Variants in TRIM23 observed in about 807,000 individuals in gnomAD.
TRIM23 encodes tripartite motif containing 23.
Under a neutral mutation model 71.0 loss-of-function variants are expected in TRIM23, and 27 were observed. That is an observed-to-expected ratio of 0.38 (90% CI 0.28 to 0.52). The LOEUF is 0.52. TRIM23 is among the 20% of genes least tolerant of loss of function. The pLI is 0.84. For synonymous variants in TRIM23, 234 were observed against 238.0 expected (o/e 0.98, Z 0.16); for missense variants, 482 against 692.3 (o/e 0.70, Z 3.41).
Position 65,605,062 on chromosome 5 carries a change from A to G in TRIM23, c.1045-17T>C, listed in dbSNP as rs1402530453. The G allele has an allele frequency of 1.3e-6, 2 of 1,577,298 alleles. No individual in the cohort carries two copies. The highest frequency in any genetic ancestry group is 3.7e-5 in the Admixed American group (2 of 54,134). Reference sequence around the variant, plus strand: ...ACAATCATCCTATAAGAGGCAAAACAATATTTCTTATAAACTTTTTATAAG... The same window carrying G: ...ACAATCATCCTATAAGAGGCAAAACGATATTTCTTATAAACTTTTTATAAG... On this transcript the variant is annotated splice_polypyrimidine_tract_variant and intron_variant, in intron 6 of 10. Coordinates refer to ENST00000231524, the MANE Select transcript of TRIM23 (RefSeq NM_001656.4).
At position 65,618,249 on chromosome 5, in the gene TRIM23, C is replaced by G. The variant is rs1754824459; in HGVS notation, c.88G>C (p.Glu30Gln). 1 of 1,608,514 alleles carries G rather than the reference C, an allele frequency of 6.2e-7. No individual in the cohort carries two copies. Among genetic ancestry groups the G allele is most frequent in the African/African-American group, 1.3e-5 (1 of 74,628 alleles). Residue 30 changes from glutamate (E) to glutamine (Q), a missense_variant, in exon 2 of 11, where the codon GAG (glutamate) becomes CAG (glutamine). Physicochemically the swap from Glu to Gln is conservative, Grantham distance 29. Transcript: ENST00000231524. Reference protein sequence around the residue: ...SRGTAVVKVLECGVCEDVFSL... With the variant: ...SRGTAVVKVLQCGVCEDVFSL... ...AAGACATCTTCACAAACTCCACACT[C>G]TAGCACCTAATATTTGAAAAGGAAG...
intron 9 of TRIM23, among the ~76,000 whole-genome samples, chr5:65,594,984 C>G (rs1403564348): frequency 6.6e-6 from 1 of 152,148 alleles, no homozygotes; most frequent in Non-Finnish European, 1.5e-5. Flanking sequence ...GCTACTTGTT[C>G]TTCGAATACT....
At chr5:65,622,414 A>C (rs2150646065) in intron 1 of TRIM23, among the ~76,000 whole-genome samples, 1 of 152,224 alleles carries the variant, frequency 6.6e-6, no homozygotes, top group East Asian at 1.9e-4. Flanking sequence ...TGATCCGCCC[A>C]CTTTGGCCTC....
intron 10 of TRIM23, 134 bp downstream of exon 10, chr5:65,594,387 C>T (rs1754134604): frequency 8.3e-7 from 1 of 1,200,126 alleles, no homozygotes; most frequent in Non-Finnish European, 1.1e-6. Context: ...AGCATTTTCA[C>T]ATAGATTGTA....
chr5:65,601,481 C>T (rs1754363526), intron 7 of TRIM23, among the ~76,000 whole-genome samples: 1 of 152,044 alleles, frequency 6.6e-6, no homozygotes, highest in Admixed American at 6.5e-5. Flanking sequence ...CCTGATAAAC[C>T]CATCAGATCT....
Position 65,597,198 on chromosome 5 carries a change from T to C in TRIM23, c.1180-18A>G. 1 of 1,612,678 alleles carries C rather than the reference T, an allele frequency of 6.2e-7. No individual in the cohort carries two copies. The highest frequency in any genetic ancestry group is 2.2e-5 in the East Asian group (1 of 44,848). On this transcript the variant is annotated intron_variant, in intron 7 of 10. Transcript: ENST00000231524. ...CGATTATCCTACAATTTAAATATTT[T>C]TAAATATGTTTGACATGCAGTTAGA...
chr5:65,621,449 A>G (rs906500846), intron 1 of TRIM23, among the ~76,000 whole-genome samples: 2 of 152,250 alleles, frequency 1.3e-5, no homozygotes, highest in African/African-American at 4.8e-5. Context: ...AATAAACTCC[A>G]AAGAACCATA....
intron 1 of TRIM23, among the ~76,000 whole-genome samples, chr5:65,619,024 G>A (rs968326580): frequency 3.3e-5 from 5 of 152,208 alleles, no homozygotes; most frequent in Admixed American, 6.5e-5. Flanking sequence ...AGCATTTTCA[G>A]CACTTATTTC....
At chr5:65,621,984 C>T (rs535379745) in intron 1 of TRIM23, among the ~76,000 whole-genome samples, 4 of 151,864 alleles carry the variant, frequency 2.6e-5, no homozygotes, top group African/African-American at 9.7e-5. Context: ...TGTGCCACTA[C>T]GCCTGGCTAA....
chr5:65,617,364 G>C (rs1754802474), intron 2 of TRIM23, among the ~76,000 whole-genome samples: 1 of 152,046 alleles, frequency 6.6e-6, no homozygotes, highest in South Asian at 2.1e-4. Context: ...AAAATAGTAT[G>C]AATATATTAA....
Position 65,624,221 on chromosome 5 carries a change from C to G in TRIM23, c.54G>C (p.Gln18His). 1 of 1,614,232 alleles carries G rather than the reference C, an allele frequency of 6.2e-7. No homozygotes were observed. The highest frequency in any genetic ancestry group is 8.5e-7 in the Non-Finnish European group (1 of 1,180,048). Residue 18 changes from glutamine to histidine, a missense_variant, in exon 1 of 11, where the codon CAG (glutamine) becomes CAC (histidine). Coordinates refer to ENST00000231524, the MANE Select transcript of TRIM23 (RefSeq NM_001656.4). ...TCACTACAGCTGTCCCCCGGCTGCC[C>G]TGCCGGCCACTGTCTACTCCCGCTC... ...KLGAGVDSGR[Q>H]GSRGTAVVKV...
At chr5:65,595,863 A>G (rs780604062) in intron 9 of TRIM23, among the ~76,000 whole-genome samples, 4 of 152,242 alleles carry the variant, frequency 2.6e-5, no homozygotes, top group Admixed American at 6.5e-5. Context: ...CGTAAGCATT[A>G]TGTTGGGGTC....
At position 65,624,231 on chromosome 5, in the gene TRIM23, C is replaced by G; in HGVS notation, c.44G>C (p.Ser15Thr). 1 of 1,614,226 alleles carries G rather than the reference C, an allele frequency of 6.2e-7. No individual in the cohort carries two copies. The highest frequency in any genetic ancestry group is 8.5e-7 in the Non-Finnish European group (1 of 1,180,046). The change falls in exon 1 of 11, where the codon AGT becomes ACT. Residue 15 changes from serine (S) to threonine (T), a missense_variant. By Grantham distance (58) the Ser-to-Thr change is moderately conservative. Coordinates refer to ENST00000231524, the MANE Select transcript of TRIM23 (RefSeq NM_001656.4). ...TGTCCCCCGGCTGCCCTGCCGGCCA[C>G]TGTCTACTCCCGCTCCGAGCTTGTT... is the stretch of plus-strand genomic sequence containing the variant. ...VVNKLGAGVDSGRQGSRGTAV... is the reference protein window; with the variant it reads ...VVNKLGAGVDTGRQGSRGTAV...
chr5:65,591,937 T>C lies in TRIM23; in HGVS notation c.1557A>G (p.Gly519=). 1.2e-6 allele frequency: 2 copies of C among 1,613,342 alleles called. No individual in the cohort carries two copies. Among genetic ancestry groups the C allele is most frequent in the Non-Finnish European group, 1.7e-6 (2 of 1,179,594 alleles). ...CAGTGATTTCTTCTACTGACAGTGCTCCAGCAACATCCTGAAAGATATATA... is the reference window on the plus strand; with the variant it reads ...CAGTGATTTCTTCTACTGACAGTGCCCCAGCAACATCCTGAAAGATATATA... ...LIFANKQDVA[G]ALSVEEITEL... is the part of the protein sequence containing the mutation. The change falls in exon 11 of 11, where the codon GGA becomes GGG. Residue 519 remains glycine, a synonymous_variant. Transcript: ENST00000231524.
chr5:65,609,565 CA>C (rs1002530022), intron 5 of TRIM23, 107 bp from the exon 6 acceptor site: 19 of 1,227,422 alleles, frequency 1.5e-5, no homozygotes, highest in African/African-American at 4.6e-5. Flanking sequence ...TCTGTCTCTA[CA>C]AAAAATGGAA....
chr5:65,622,853 G>A (rs1049926240), intron 1 of TRIM23, among the ~76,000 whole-genome samples: 4 of 151,630 alleles, frequency 2.6e-5, no homozygotes, highest in Admixed American at 6.6e-5. Context: ...AGGCAAACAG[G>A]GTAACAAAAA....
At chr5:65,612,008 C>T (rs950908315) in intron 3 of TRIM23, 127 bp from the exon 4 acceptor site, 12 of 912,792 alleles carry the variant, frequency 1.3e-5, no homozygotes, top group Non-Finnish European at 1.9e-5. Context: ...ATATATTGGT[C>T]ATTAAGAACA....
intron 1 of TRIM23, among the ~76,000 whole-genome samples, chr5:65,622,604 C>T (rs1754974579): frequency 6.6e-6 from 1 of 152,192 alleles, no homozygotes; most frequent in South Asian, 2.1e-4. Context: ...TTTTACCTTC[C>T]AATAAATACT....
chr5:65,611,817 G>C lies in TRIM23; in HGVS notation c.431C>G (p.Thr144Ser). Residue 144 changes from threonine to serine, a missense_variant, in exon 4 of 11, where the codon ACT becomes AGT. Transcript: ENST00000231524. The stretch of plus-strand genomic sequence containing the variant: ...TTGAGAACACTCAGAGCACAAATGA[G>C]TTGCACACACAGTGCAATATACAGA... ...LASVYCTVCATHLCSECSQVT... is the reference protein window; with the variant it reads ...LASVYCTVCASHLCSECSQVT... 2 of 1,614,150 alleles carry C rather than the reference G, an allele frequency of 1.2e-6. No homozygotes were observed. Among genetic ancestry groups the C allele is most frequent in the South Asian group, 1.1e-5 (1 of 91,090 alleles).
Sources: allele counts gnomAD v4.1 joint callset (sites outside exome capture counted in the v4.1 genomes callset), GRCh38; gene constraint gnomAD v4.1.1; transcripts MANE v1.5; gene names NCBI Gene and HGNC (gene_info 2026-07-23, HGNC 2026-07-21).